The following BRK1 variants were observed in gnomAD, a reference collection of about 807,000 sequenced individuals.
BRK1 encodes protein BRICK1.
Under a neutral mutation model 9.9 loss-of-function variants are expected in BRK1, and 6 were observed. The ratio of observed to expected loss-of-function variants is 0.60; its 90% CI spans 0.33 to 1.19. The LOEUF is 1.19. Among genes scored for constraint, BRK1 ranks in the 50% most tolerant of loss-of-function variants. The probability of loss-of-function intolerance (pLI) is 0.04; values close to 1 mark genes in which losing one functional copy is unlikely to be tolerated. For missense variants in BRK1, 62 were observed against 97.5 expected (o/e 0.64, Z 1.53); for synonymous variants, 44 against 31.9 (o/e 1.38, Z -1.28).
intron 1 of BRK1, among the ~76,000 whole-genome samples, chr3:10,123,741 T>TG (rs1451417410): frequency 8.3e-6 from 1 of 120,710 alleles, no homozygotes. Flanking sequence ...CCTTTTTTTT[T>TG]TTTTTTTTTT....
rs1204480016 is a variant in BRK1 at position 10,115,937 on chromosome 3, C to T, written c.118+118C>T. 5 of 772,384 alleles carry T rather than the reference C, an allele frequency of 6.5e-6. No homozygotes were observed. The East Asian group carries it at 8.0e-5, about 12-fold the overall frequency. 47.8% of individuals were successfully genotyped at this position (772,384 alleles called of 1,614,324 possible). On this transcript the variant is annotated intron_variant, in intron 1 of 2. Coordinates refer to ENST00000530758, the MANE Select transcript of BRK1 (RefSeq NM_018462.5). The stretch of plus-strand genomic sequence containing the variant: ...AGCCTTCGGCTGTTGCGGGTTTTCA[C>T]TTCCTCCTTCAGGTCCCACCTTCTC...
Position 10,126,401 on chromosome 3 carries a change from G to C in BRK1, c.*106G>C. ...TCCTTTCTCCTTAAAGAGCAACAGG[G>C]CTTATTCTTGTTTTTCTTTTTTCAA... is the stretch of plus-strand genomic sequence containing the variant. On this transcript the variant is annotated 3_prime_UTR_variant, in exon 3 of 3. Transcript: ENST00000530758. The C allele has an allele frequency of 9.9e-7, 1 of 1,009,868 alleles. No individual in the cohort carries two copies. The highest frequency in any genetic ancestry group is 1.5e-6 in the Non-Finnish European group (1 of 679,350). The allele number at this position is 1,009,868 out of a possible 1,614,324, so 62.6% of individuals were successfully genotyped here.
intron 1 of BRK1, among the ~76,000 whole-genome samples, chr3:10,122,974 T>C (rs761236774): frequency 3.3e-5 from 5 of 152,196 alleles, no homozygotes; most frequent in Non-Finnish European, 7.3e-5. Context: ...GGAAACTTGT[T>C]AGCTAAGTGT....
At chr3:10,123,584 G>A (rs1415510686) in intron 1 of BRK1, among the ~76,000 whole-genome samples, 4 of 119,356 alleles carry the variant, frequency 3.4e-5, no homozygotes, top group South Asian at 3.0e-4. Context: ...ACAGGCGCCC[G>A]CCACCACACC....
intron 1 of BRK1, among the ~76,000 whole-genome samples, chr3:10,122,724 T>A (rs980775876): frequency 2.0e-5 from 3 of 148,276 alleles, no homozygotes; most frequent in African/African-American, 4.9e-5. Context: ...ATGTCTCTTT[T>A]AAAAAAAAAA....
chr3:10,125,052 C>CAAA (rs1343000630), intron 1 of BRK1, among the ~76,000 whole-genome samples: 1 of 152,166 alleles, frequency 6.6e-6, no homozygotes, highest in Non-Finnish European at 1.5e-5. Flanking sequence ...ATCATACCTG[C>CAAA]AAAGCCCTGT....
intron 1 of BRK1, among the ~76,000 whole-genome samples, chr3:10,119,024 T>G (rs1230495019): frequency 6.6e-6 from 1 of 152,080 alleles, no homozygotes; most frequent in Admixed American, 6.6e-5. Context: ...TTTTGTTTGT[T>G]TTTTTGAGAC....
At chr3:10,117,220 G>T (rs1328241883) in intron 1 of BRK1, among the ~76,000 whole-genome samples, 1 of 152,118 alleles carries the variant, frequency 6.6e-6, no homozygotes, top group Non-Finnish European at 1.5e-5. Context: ...CAGCCTAGGC[G>T]ACTGACTGAA....
Position 10,125,427 on chromosome 3 carries a change from C to T in BRK1, c.119-199C>T, listed in dbSNP as rs569097328. 4.6e-5 allele frequency among the ~76,000 whole-genome samples: 7 copies of T among 152,104 alleles called. No homozygotes were observed. In the South Asian group the frequency reaches 1.0e-3, roughly 23 times the overall value. On this transcript the variant is annotated intron_variant, in intron 1 of 2. Coordinates refer to ENST00000530758, the MANE Select transcript of BRK1 (RefSeq NM_018462.5). ...GCAGGAAAGGACGTTTTTGTGGGGCCGTTATTCTCTACTTGCAACACTTGA... is the reference window on the plus strand; with the variant it reads ...GCAGGAAAGGACGTTTTTGTGGGGCTGTTATTCTCTACTTGCAACACTTGA...
intron 2 of BRK1, 66 bp from the exon 3 acceptor site, chr3:10,126,203 T>C: frequency 9.6e-7 from 1 of 1,042,912 alleles, no homozygotes; most frequent in Non-Finnish European, 1.3e-6. Flanking sequence ...GATCTAAAGA[T>C]TTTTTTTTAG....
At chr3:10,124,639 A>C (rs571397) in intron 1 of BRK1, among the ~76,000 whole-genome samples, 7 of 152,158 alleles carry the variant, frequency 4.6e-5, no homozygotes, top group Non-Finnish European at 1.0e-4. Context: ...GGCATGAGTC[A>C]CTGCTCCTGG....
chr3:10,116,083 C>G (rs1311285046), intron 1 of BRK1, among the ~76,000 whole-genome samples: 3 of 152,180 alleles, frequency 2.0e-5, no homozygotes, highest in African/African-American at 7.2e-5. Flanking sequence ...CTCCTAGACG[C>G]GTCAGGCAGC....
At chr3:10,125,788 G>A in intron 2 of BRK1, 80 bp downstream of exon 2, 1 of 1,097,652 alleles carries the variant, frequency 9.1e-7, no homozygotes, top group Non-Finnish European at 1.3e-6. Flanking sequence ...AGCAGAAACA[G>A]TCTTAGGAAA....
At chr3:10,119,003 T>C (rs996669232) in intron 1 of BRK1, among the ~76,000 whole-genome samples, 1 of 151,966 alleles carries the variant, frequency 6.6e-6, no homozygotes, top group Non-Finnish European at 1.5e-5. Flanking sequence ...ATGGTTTTTT[T>C]TGTTTGTTTG....
intron 1 of BRK1, among the ~76,000 whole-genome samples, chr3:10,117,835 T>C (rs1695707439): frequency 6.6e-6 from 1 of 152,212 alleles, no homozygotes; most frequent in Non-Finnish European, 1.5e-5. Flanking sequence ...AATTACTAGG[T>C]GGTTTTTAAA....
At chr3:10,120,980 C>G (rs1695748310) in intron 1 of BRK1, among the ~76,000 whole-genome samples, 2 of 152,122 alleles carry the variant, frequency 1.3e-5, no homozygotes, top group Non-Finnish European at 2.9e-5. Flanking sequence ...TTCCAAAAAC[C>G]AGACTGAAAA....
intron 1 of BRK1, among the ~76,000 whole-genome samples, chr3:10,124,176 T>G (rs577088029): frequency 6.6e-6 from 1 of 151,796 alleles, no homozygotes; most frequent in Non-Finnish European, 1.5e-5. Context: ...CCACACAGGC[T>G]GGGCACAGTG....
At chr3:10,125,325 G>A (rs1208394963) in intron 1 of BRK1, among the ~76,000 whole-genome samples, 3 of 151,966 alleles carry the variant, frequency 2.0e-5, no homozygotes, top group South Asian at 2.1e-4. Context: ...GGCTGGTCCC[G>A]AACTCTTGAC....
At position 10,126,411 on chromosome 3, in the gene BRK1, G is replaced by C. The variant is rs1196798899; in HGVS notation, c.*116G>C. 3.1e-6 allele frequency: 3 copies of C among 977,836 alleles called. No homozygotes were observed. Among genetic ancestry groups the C allele is most frequent in the Non-Finnish European group, 4.6e-6 (3 of 653,890 alleles). 60.6% of individuals were successfully genotyped at this position (977,836 alleles called of 1,614,324 possible). On this transcript the variant is annotated 3_prime_UTR_variant, in exon 3 of 3. Transcript: ENST00000530758. ...TTAAAGAGCAACAGGGCTTATTCTT[G>C]TTTTTCTTTTTTCAAAAGTGTGGCC...
Sources: gnomAD v4.1 joint callset for allele counts (sites outside exome capture counted in the v4.1 genomes callset) on GRCh38, gnomAD v4.1.1 for gene constraint, MANE v1.5 for transcripts, NCBI Gene and HGNC (gene_info 2026-07-23, HGNC 2026-07-21) for gene names.